Variants in PLEKHA4 observed in about 807,000 individuals in gnomAD.
PLEKHA4 encodes the protein pleckstrin homology domain-containing family A member 4.
Under a neutral mutation model 94.7 loss-of-function variants are expected in PLEKHA4, and 73 were observed. That is an observed-to-expected ratio of 0.77 (90% CI 0.64 to 0.94). The LOEUF is 0.94. Ranked by LOEUF, PLEKHA4 falls within the 40% of genes least tolerant of loss-of-function variation. The probability of loss-of-function intolerance (pLI) is 0.00; values close to 1 mark genes in which losing one functional copy is unlikely to be tolerated. For synonymous variants in PLEKHA4, 449 were observed against 437.1 expected, an observed-to-expected ratio of 1.03 and a Z score of -0.34; for missense variants, 1,049 against 1,054.1, an observed-to-expected ratio of 1.00 and a Z score of 0.07.
chr19:48,843,738 A>C (rs2035854567), intron 16 of PLEKHA4, among the ~76,000 whole-genome samples: 2 of 151,850 alleles, frequency 1.3e-5, no homozygotes. Context: ...GCTCACTGCA[A>C]TCTCAGCCAC....
intron 9 of PLEKHA4, among the ~76,000 whole-genome samples, chr19:48,855,663 C>T (rs2036375930): frequency 6.6e-6 from 1 of 151,336 alleles, no homozygotes; most frequent in African/African-American, 2.4e-5. Context: ...GTGGTACATG[C>T]CTGTAGTCTC....
chr19:48,860,138 G>A (rs1453166694), intron 6 of PLEKHA4: 1 of 589,542 alleles, frequency 1.7e-6, no homozygotes, highest in Non-Finnish European at 3.0e-6. Flanking sequence ...GCTTGGGGGC[G>A]GGGACGGACA....
chr19:48,858,277 G>A (rs373396854), intron 8 of PLEKHA4, among the ~76,000 whole-genome samples: 8 of 152,142 alleles, frequency 5.3e-5, no homozygotes, highest in East Asian at 1.9e-4. Flanking sequence ...ACCTCTCACC[G>A]CACTGTCTTG....
chr19:48,866,097 CAG>C (rs1386813922), intron 2 of PLEKHA4, among the ~76,000 whole-genome samples: 1 of 151,230 alleles, frequency 6.6e-6, no homozygotes, highest in Non-Finnish European at 1.5e-5. Context: ...GTTCTTATTG[CAG>C]AGTTAAGAGA....
chr19:48,845,952 A>G (rs1476917949), intron 14 of PLEKHA4, among the ~76,000 whole-genome samples: 1 of 147,560 alleles, frequency 6.8e-6, no homozygotes, highest in Non-Finnish European at 1.5e-5. Context: ...TGGAGGTTGC[A>G]GTGAGCCGAG....
chr19:48,848,106 C>T, intron 13 of PLEKHA4, 66 bp from the exon 14 acceptor site: 2 of 1,514,290 alleles, frequency 1.3e-6, no homozygotes, highest in South Asian at 1.2e-5. Flanking sequence ...AGCTAATAGG[C>T]CCCTGCAAAG....
chr19:48,863,826 C>T (rs2036736998), intron 3 of PLEKHA4, among the ~76,000 whole-genome samples: 2 of 152,152 alleles, frequency 1.3e-5, no homozygotes, highest in Non-Finnish European at 2.9e-5. Context: ...CCTGCCTCGA[C>T]CTCCCGAAGT....
At position 48,858,872 on chromosome 19, in the gene PLEKHA4, C is replaced by T; in HGVS notation, c.960G>A (p.Glu320=). 1 of 1,612,864 alleles carries T rather than the reference C, an allele frequency of 6.2e-7. No individual in the cohort carries two copies. Among genetic ancestry groups the T allele is most frequent in the African/African-American group, 1.3e-5 (1 of 74,886 alleles). The change falls in exon 8 of 20, where the codon GAG becomes GAA. Residue 320 remains glutamate (E), a synonymous_variant. Transcript: ENST00000263265. ...CCTCTCTGCTCACCTGTGTTCTGGG[C>T]TCCTGACTCCAGTGCTGGGGACTCC... ...PPRSPQHWSQ[E]PRTQAHSGSP...
chr19:48,841,284 A>T lies in PLEKHA4; in HGVS notation c.1770T>A (p.Ser590Arg). The change falls in exon 17 of 20, where the codon AGT (serine) becomes AGA (arginine). Residue 590 changes from serine to arginine, a missense_variant. Ser to Arg is a moderately radical substitution (Grantham distance 110, BLOSUM62 -1). Transcript: ENST00000263265. ...GCATCCGCTCCAGCTGCTCCTGGGC[A>T]CTCATCCGGGGCCGGGCCACCGGGG... Reference protein sequence around the residue: ...TKAPVARPRMSAQEQLERMRR... With the variant: ...TKAPVARPRMRAQEQLERMRR... 6.2e-7 allele frequency: 1 copy of T among 1,612,714 alleles called. No homozygotes were observed. Among genetic ancestry groups the T allele is most frequent in the Non-Finnish European group, 8.5e-7 (1 of 1,179,524 alleles).
intron 13 of PLEKHA4, among the ~76,000 whole-genome samples, chr19:48,851,521 T>G (rs1439682010): frequency 6.6e-6 from 1 of 151,282 alleles, no homozygotes; most frequent in Non-Finnish European, 1.5e-5. Flanking sequence ...GAGGCTGAGG[T>G]GGGTGAATCG....
Position 48,859,043 on chromosome 19 carries a change from T to A in PLEKHA4, c.789A>T (p.Thr263=). 1 of 1,236,762 alleles carries A rather than the reference T, an allele frequency of 8.1e-7. No individual in the cohort carries two copies. The highest frequency in any genetic ancestry group is 1.0e-6 in the Non-Finnish European group (1 of 971,188). The allele number at this position is 1,236,762 out of a possible 1,614,324, so 76.6% of individuals were successfully genotyped here. Residue 263 remains threonine (T), a synonymous_variant, in exon 8 of 20, where the codon ACA becomes ACT. Coordinates refer to ENST00000263265, the MANE Select transcript of PLEKHA4 (RefSeq NM_020904.3). ...ARRPPAPSGD[T]APPARPHTPL... is the part of the protein sequence containing the mutation. ...GGGTGTGAGGTCGGGCAGGGGGTGC[T>A]GTGTCTCCTGAGGGGGCAGGGGGTC...
chr19:48,838,154 G>GT, intron 18 of PLEKHA4, 25 bp from the exon 19 acceptor site: 1 of 1,478,288 alleles, frequency 6.8e-7, no homozygotes, highest in Non-Finnish European at 9.4e-7. Context: ...AAGATTGGGG[G>GT]TGGGGGTGTG....
Position 48,852,343 on chromosome 19 carries a change from G to A in PLEKHA4, c.1327-17C>T, listed in dbSNP as rs138349594. 1.6e-5 allele frequency: 25 copies of A among 1,598,722 alleles called. No homozygotes were observed. The East Asian group carries it at 4.2e-4, about 27-fold the overall frequency. On this transcript the variant is annotated splice_polypyrimidine_tract_variant and intron_variant, in intron 12 of 19. Coordinates refer to ENST00000263265, the MANE Select transcript of PLEKHA4 (RefSeq NM_020904.3). ...CTCTCGCTCCTCAGGTTGCATAAAG[G>A]GGGAGACATAGGTTAGGTCCCTCTC...
chr19:48,856,507 T>C (rs1259946619), intron 9 of PLEKHA4, among the ~76,000 whole-genome samples: 6 of 151,398 alleles, frequency 4.0e-5, no homozygotes, highest in African/African-American at 1.2e-4. Flanking sequence ...ATCACGAGGT[T>C]AGGAGTTCGA....
In PLEKHA4 at chr19:48,857,480, G is replaced by T; in HGVS notation, c.989C>A (p.Pro330His). ...EPRTQAHSGS[P>H]TYLQLPPRPP... ...CCGCGGGGGGAGCTGGAGATAAGTG[G>T]GGGAGCCAGAGTGTGCCTGGGAGGA... Residue 330 changes from proline (P) to histidine (H), a missense_variant, in exon 9 of 20, where the codon CCC becomes CAC. By Grantham distance (77) the Pro-to-His change is moderately conservative. Coordinates refer to ENST00000263265, the MANE Select transcript of PLEKHA4 (RefSeq NM_020904.3). 1 of 1,562,608 alleles carries T rather than the reference G, an allele frequency of 6.4e-7. No individual in the cohort carries two copies. Among genetic ancestry groups the T allele is most frequent in the Non-Finnish European group, 8.7e-7 (1 of 1,153,466 alleles).
At chr19:48,850,403 C>T (rs963434871) in intron 13 of PLEKHA4, among the ~76,000 whole-genome samples, 8 of 152,058 alleles carry the variant, frequency 5.3e-5, no homozygotes, top group African/African-American at 1.9e-4. Flanking sequence ...ACTGGGGAAG[C>T]TGCGGCAGGA....
intron 13 of PLEKHA4, among the ~76,000 whole-genome samples, chr19:48,849,598 C>T (rs1267062888): frequency 6.6e-6 from 1 of 152,180 alleles, no homozygotes; most frequent in African/African-American, 2.4e-5. Context: ...CGTGAGCCAA[C>T]ACGCCCGGCC....
At chr19:48,853,559 A>C in intron 12 of PLEKHA4, 123 bp downstream of exon 12, 1 of 1,059,282 alleles carries the variant, frequency 9.4e-7, no homozygotes, top group Non-Finnish European at 1.3e-6. Flanking sequence ...AAAATAATAA[A>C]ATTTGGAGTG....
chr19:48,849,409 A>T (rs1353980000), intron 13 of PLEKHA4, among the ~76,000 whole-genome samples: 1 of 151,908 alleles, frequency 6.6e-6, no homozygotes, highest in Non-Finnish European at 1.5e-5. Context: ...CCCGGGTTCA[A>T]GCGATTCTCC....
Sources: gnomAD v4.1 joint callset for allele counts (sites outside exome capture counted in the v4.1 genomes callset) on GRCh38, gnomAD v4.1.1 for gene constraint, MANE v1.5 for transcripts, NCBI Gene and HGNC (gene_info 2026-07-23, HGNC 2026-07-21) for gene names.